KIR3DL2: variants seen among roughly 807,000 people sequenced by gnomAD.
KIR3DL2 encodes killer cell immunoglobulin like receptor, three Ig domains and long cytoplasmic tail 2.
In KIR3DL2, 42 loss-of-function variants were observed where a neutral mutation model predicts 41.6. That is an observed-to-expected ratio of 1.01 (90% CI 0.79 to 1.31). KIR3DL2 has a LOEUF of 1.31. Ranked by LOEUF, KIR3DL2 falls within the 50% of genes most tolerant of loss-of-function variation. The pLI, the probability that KIR3DL2 is intolerant of heterozygous loss-of-function variation, is 0.00. For synonymous variants in KIR3DL2, 230 were observed against 221.3 expected (o/e 1.04, Z -0.35); for missense variants, 728 against 576.8 (o/e 1.26, Z -2.68).
In KIR3DL2 at chr19:54,855,889, A is replaced by T. The variant is rs2064729442; in HGVS notation, c.926A>T (p.Asp309Val). The change falls in exon 5 of 9, where the codon GAC becomes GTC. Residue 309 changes from aspartate (D) to valine (V), a missense_variant. Physicochemically the swap from Asp to Val is radical, Grantham distance 152. Transcript: ENST00000326321. ...CCCTGCGTGTGGTCAAACTCAAGTG[A>T]CCCACTGCTTGTTTCTGTCACAGGT... ...ALPCVWSNSS[D>V]PLLVSVTGNP... 3.1e-6 allele frequency: 5 copies of T among 1,613,110 alleles called. No individual in the cohort carries two copies. The highest frequency in any genetic ancestry group is 4.2e-6 in the Non-Finnish European group (5 of 1,179,896).
chr19:54,861,819 G>C (rs1248074895), intron 6 of KIR3DL2, among the ~76,000 whole-genome samples: 1 of 151,532 alleles, frequency 6.6e-6, no homozygotes, highest in Non-Finnish European at 1.5e-5. Flanking sequence ...CTGTGAACAT[G>C]AGATCATATG....
intron 3 of KIR3DL2, among the ~76,000 whole-genome samples, chr19:54,853,340 A>C (rs1188113087): frequency 2.0e-5 from 3 of 151,680 alleles, no homozygotes; most frequent in Non-Finnish European, 4.4e-5. Flanking sequence ...GTGTGTGGAC[A>C]CTGATGTCTG....
chr19:54,854,423 G>T (rs985903566), intron 4 of KIR3DL2, among the ~76,000 whole-genome samples: 5 of 151,934 alleles, frequency 3.3e-5, no homozygotes, highest in Non-Finnish European at 5.9e-5. Context: ...AGAACCCAAG[G>T]ACACCCATAT....
chr19:54,860,795 C>T (rs796398124), intron 6 of KIR3DL2, among the ~76,000 whole-genome samples: 67 of 134,558 alleles, frequency 5.0e-4, no homozygotes, highest in African/African-American at 1.6e-3. Flanking sequence ...GAAAGATTGG[C>T]GGAAGGATTT....
At chr19:54,858,029 T>C (rs2064918238) in intron 5 of KIR3DL2, among the ~76,000 whole-genome samples, 1 of 151,810 alleles carries the variant, frequency 6.6e-6, no homozygotes, top group South Asian at 2.1e-4. Flanking sequence ...TGTTTGAGCT[T>C]CTTATATTTC....
intron 6 of KIR3DL2, among the ~76,000 whole-genome samples, chr19:54,860,257 G>C (rs1001142856): frequency 6.6e-6 from 1 of 152,106 alleles, no homozygotes; most frequent in Non-Finnish European, 1.5e-5. Context: ...CTGTTCTTGG[G>C]ACACTGATCT....
intron 4 of KIR3DL2, 130 bp downstream of exon 4, chr19:54,854,176 G>A (rs1283728101): frequency 3.3e-5 from 39 of 1,166,890 alleles, no homozygotes; most frequent in Non-Finnish European, 1.3e-6. Context: ...ACTCGGTGAG[G>A]TCTGTACCAA....
intron 6 of KIR3DL2, among the ~76,000 whole-genome samples, chr19:54,860,310 G>C (rs1482359214): frequency 1.3e-5 from 2 of 151,988 alleles, no homozygotes; most frequent in African/African-American, 4.8e-5. Context: ...AGGCACAAGG[G>C]GACCAATAAA....
intron 3 of KIR3DL2, 148 bp from the exon 4 acceptor site, chr19:54,853,599 C>T: frequency 1.1e-6 from 1 of 879,138 alleles, no homozygotes; most frequent in Non-Finnish European, 1.7e-6. Context: ...GGGACCTGCA[C>T]CAGGGGATAT....
intron 7 of KIR3DL2, 46 bp downstream of exon 7, chr19:54,865,955 G>C: frequency 6.5e-7 from 1 of 1,545,448 alleles, no homozygotes; most frequent in Non-Finnish European, 8.9e-7. Context: ...GCCATGTGGG[G>C]AAGCAGGATG....
intron 4 of KIR3DL2, among the ~76,000 whole-genome samples, chr19:54,855,392 A>G (rs1601759139): frequency 6.6e-6 from 1 of 151,712 alleles, no homozygotes; most frequent in East Asian, 1.9e-4. Context: ...AGAGAATAAA[A>G]CAATCCAAAA....
chr19:54,865,667 G>A, intron 6 of KIR3DL2, 138 bp from the exon 7 acceptor site: 1 of 731,190 alleles, frequency 1.4e-6, no homozygotes, highest in South Asian at 1.7e-5. Flanking sequence ...GAAAGCAGGA[G>A]AAAGCTGGGT....
intron 1 of KIR3DL2, 137 bp from the exon 2 acceptor site, chr19:54,851,083 G>A (rs2064187254): frequency 9.1e-7 from 1 of 1,100,690 alleles, no homozygotes; most frequent in African/African-American, 1.6e-5. Context: ...CCCTGTTCTT[G>A]GCAGCAGGTA....
At chr19:54,851,140 A>T in intron 1 of KIR3DL2, 80 bp from the exon 2 acceptor site, 1 of 1,561,370 alleles carries the variant, frequency 6.4e-7, no homozygotes, top group South Asian at 1.1e-5. Flanking sequence ...CCTGGCTGCC[A>T]AGACACACAG....
intron 6 of KIR3DL2, among the ~76,000 whole-genome samples, chr19:54,859,599 A>G (rs2065031224): frequency 6.6e-6 from 1 of 151,840 alleles, no homozygotes; most frequent in Admixed American, 6.6e-5. Context: ...TCATGCACGC[A>G]CACTTCGACT....
intron 6 of KIR3DL2, among the ~76,000 whole-genome samples, chr19:54,865,135 G>A (rs1439160575): frequency 1.3e-5 from 2 of 152,052 alleles, no homozygotes; most frequent in South Asian, 2.1e-4. Flanking sequence ...TTTGTCTTTG[G>A]TTCTGTTTAT....
Position 54,852,168 on chromosome 19 carries a change from A to G in KIR3DL2, c.241A>G (p.Ile81Val). 1 of 1,612,890 alleles carries G rather than the reference A, an allele frequency of 6.2e-7. No homozygotes were observed. Among genetic ancestry groups the G allele is most frequent in the Admixed American group, 1.7e-5 (1 of 59,958 alleles). Residue 81 changes from isoleucine to valine, a missense_variant, in exon 3 of 9, where the codon ATC (isoleucine) becomes GTC (valine). Transcript: ENST00000326321. ...CGGCAGAATATTCCAGGAGAGCTTC[A>G]TCATGGGCCCTGTGACCCCAGCACA... ...FHGRIFQESF[I>V]MGPVTPAHAG... is the part of the protein sequence containing the mutation.
At chr19:54,860,487 A>T (rs1421952511) in intron 6 of KIR3DL2, among the ~76,000 whole-genome samples, 1 of 151,910 alleles carries the variant, frequency 6.6e-6, no homozygotes, top group Non-Finnish European at 1.5e-5. Context: ...CTCCTCCCTC[A>T]GCCTCTCCAG....
chr19:54,851,101 G>C (rs1169264331), intron 1 of KIR3DL2, 119 bp from the exon 2 acceptor site: 19 of 1,277,372 alleles, frequency 1.5e-5, no homozygotes, highest in Non-Finnish European at 2.2e-5. Context: ...GTAGCAGGGA[G>C]GCTAAGTTTA....
Sources: allele counts gnomAD v4.1 joint callset (sites outside exome capture counted in the v4.1 genomes callset), GRCh38; gene constraint gnomAD v4.1.1; transcripts MANE v1.5; gene names NCBI Gene and HGNC (gene_info 2026-07-23, HGNC 2026-07-21).